The following FYTTD1 variants were observed in gnomAD, a reference collection of about 807,000 sequenced individuals.
FYTTD1 encodes UAP56-interacting factor.
A neutral mutation model predicts 40.9 loss-of-function variants in FYTTD1; 22 were observed. The observed-to-expected ratio is 0.54, with a 90% CI of 0.38 to 0.77. The LOEUF (loss-of-function observed/expected upper bound fraction) is 0.77. Ranked by LOEUF, FYTTD1 falls within the 30% of genes least tolerant of loss-of-function variation. The pLI, the probability that FYTTD1 is intolerant of heterozygous loss-of-function variation, is 0.00. For missense variants in FYTTD1, 351 were observed against 392.2 expected (o/e 0.90, Z 0.89); for synonymous variants, 140 against 137.9 (o/e 1.01, Z -0.10).
intron 4 of FYTTD1, among the ~76,000 whole-genome samples, 168 bp from the exon 5 acceptor site, chr3:197,773,231 ATTTG>A (rs773528014): frequency 1.3e-5 from 2 of 152,210 alleles, no homozygotes; most frequent in Non-Finnish European, 2.9e-5. Flanking sequence ...GGAGGGAGGT[ATTTG>A]TTAATCAAAT....
At chr3:197,777,980 G>A (rs1010988912) in intron 7 of FYTTD1, among the ~76,000 whole-genome samples, 1 of 152,146 alleles carries the variant, frequency 6.6e-6, no homozygotes, top group African/African-American at 2.4e-5. Flanking sequence ...CCAAAGTACC[G>A]GGATTATAGG....
In FYTTD1 at chr3:197,776,965, T is replaced by C; in HGVS notation, c.695T>C (p.Val232Ala). Residue 232 changes from valine to alanine, a missense_variant, in exon 7 of 9, where the codon GTA (valine) becomes GCA (alanine). Physicochemically the swap from Val to Ala is moderately conservative, Grantham distance 64. Transcript: ENST00000241502. ...ACCACAAATGGAGGGATTTTGACTG[T>C]ATCTATTGACAATCCTGGAGCAGTG... The part of the protein sequence containing the change: ...TSTTNGGILT[V>A]SIDNPGAVQC... 1 of 1,612,492 alleles carries C rather than the reference T, an allele frequency of 6.2e-7. No homozygotes were observed. Among genetic ancestry groups the C allele is most frequent in the Middle Eastern group, 1.7e-4 (1 of 6,058 alleles).
intron 1 of FYTTD1, 155 bp downstream of exon 1, chr3:197,750,229 G>C (rs1728964513): frequency 1.2e-6 from 1 of 829,114 alleles, no homozygotes; most frequent in African/African-American, 1.8e-5. Flanking sequence ...GGACAGCCGG[G>C]AGCGCAGGCT....
intron 8 of FYTTD1, among the ~76,000 whole-genome samples, chr3:197,780,242 GAGACAGGGTTTC>G (rs1373782971): frequency 6.6e-6 from 1 of 152,148 alleles, no homozygotes; most frequent in Admixed American, 6.5e-5. Context: ...ATTTTTTGTA[GAGACAGGGTTTC>G]AGATAGGGTT....
At chr3:197,779,413 CA>C (rs1296666597) in intron 8 of FYTTD1, among the ~76,000 whole-genome samples, 111 of 131,468 alleles carry the variant, frequency 8.4e-4, no homozygotes, top group East Asian at 8.3e-3. Flanking sequence ...TACTACATCT[CA>C]AAAAAAAAAA....
At chr3:197,765,326 T>C (rs1729513230) in intron 2 of FYTTD1, among the ~76,000 whole-genome samples, 1 of 152,202 alleles carries the variant, frequency 6.6e-6, no homozygotes, top group Non-Finnish European at 1.5e-5. Context: ...ATTTTCCAGT[T>C]TCTTCCTTTC....
rs1178831454 is a variant in FYTTD1, at chr3:197,756,372, CTG to C, written c.104-53_104-52del. 1.2e-5 allele frequency: 16 copies of C among 1,355,460 alleles called. No homozygotes were observed. In the East Asian group the frequency reaches 3.5e-4, roughly 30 times the overall value. The allele number at this position is 1,355,460 out of a possible 1,614,324, so 84.0% of individuals were successfully genotyped here. A position where few individuals can be genotyped will look rare whatever the true frequency, so the allele number is the denominator to read the frequency against. On this transcript the variant is annotated intron_variant, in intron 1 of 8. Coordinates refer to ENST00000241502, the MANE Select transcript of FYTTD1 (RefSeq NM_032288.7). ...GACATCTATCAGCTAGAAAACGAAA[CTG>C]AGTAATTGAGTTAAGTTAAAATGAA... is the stretch of plus-strand genomic sequence containing the variant.
intron 2 of FYTTD1, among the ~76,000 whole-genome samples, chr3:197,758,736 A>G (rs1189937034): frequency 6.6e-6 from 1 of 152,210 alleles, no homozygotes; most frequent in Non-Finnish European, 1.5e-5. Context: ...AACAGCTGCC[A>G]CTGTTACTGA....
rs1243924759 is a variant in FYTTD1 at position 197,765,344 on chromosome 3, A to C, written c.236-3095A>C. 4.6e-5 allele frequency among the ~76,000 whole-genome samples: 7 copies of C among 152,256 alleles called. No homozygotes were observed. The East Asian group carries it at 1.2e-3, about 25-fold the overall frequency. Reference sequence around the variant, plus strand: ...TTCCAGTTTCTTCCTTTCTCAAGGAAGATTGTTAGCATCAGTCTTATCAGA... The same window carrying C: ...TTCCAGTTTCTTCCTTTCTCAAGGACGATTGTTAGCATCAGTCTTATCAGA... On this transcript the variant is annotated intron_variant, in intron 2 of 8. Transcript: ENST00000241502.
At chr3:197,768,174 T>G (rs141025800) in intron 2 of FYTTD1, among the ~76,000 whole-genome samples, 3,925 of 152,310 alleles carry the variant, frequency 0.026, 89 homozygotes, top group Non-Finnish European at 0.038. Flanking sequence ...CTGTCCTGTT[T>G]GTTGAGAAAC....
chr3:197,760,823 G>A (rs1240224021), intron 2 of FYTTD1, among the ~76,000 whole-genome samples: 1 of 151,822 alleles, frequency 6.6e-6, no homozygotes. Flanking sequence ...TTGTTCCTCA[G>A]TGGCAGAATG....
In FYTTD1 at chr3:197,779,529, C is replaced by CTTTTTT. The variant is rs57263354; in HGVS notation, c.858+1079_858+1084dup. Among the ~76,000 whole-genome samples, 45 of 118,394 alleles carry CTTTTTT rather than the reference C, an allele frequency of 3.8e-4. 2 individuals carry two copies. Among genetic ancestry groups the CTTTTTT allele is most frequent in the Non-Finnish European group, 4.8e-4 (29 of 60,206 alleles). 77.7% of individuals were successfully genotyped at this position (118,394 alleles called of 152,430 possible). On this transcript the variant is annotated intron_variant, in intron 8 of 8. Transcript: ENST00000241502. ...TATTGACTTTGTGGATTCCTTAGGA[C>CTTTTTT]TTTTTTTTTTTTTTTTTTTGTGAAA...
intron 2 of FYTTD1, among the ~76,000 whole-genome samples, chr3:197,758,300 C>G (rs1729268197): frequency 6.6e-6 from 1 of 152,000 alleles, no homozygotes; most frequent in African/African-American, 2.4e-5. Flanking sequence ...GTTCATAGAA[C>G]CAGAAATATA....
At chr3:197,750,801 C>T (rs1340120659) in intron 1 of FYTTD1, 23 of 985,350 alleles carry the variant, frequency 2.3e-5, no homozygotes, top group Non-Finnish European at 2.8e-5. Context: ...GAGATGATTG[C>T]TGTGGCTCGC....
At chr3:197,750,385 G>C in intron 1 of FYTTD1, 2 of 1,093,112 alleles carry the variant, frequency 1.8e-6, no homozygotes, top group Non-Finnish European at 2.2e-6. Context: ...CTCCCCGGAG[G>C]GGCTACGGCT....
At position 197,783,448 on chromosome 3, in the gene FYTTD1, G is replaced by T. The variant is rs1483385268; in HGVS notation, c.*1539G>T. ...TCATGGTTTATGCTCGCCATGGAAAGCTATCAGTAACAGTTTCATGCTTAT... is the reference window on the plus strand; with the variant it reads ...TCATGGTTTATGCTCGCCATGGAAATCTATCAGTAACAGTTTCATGCTTAT... On this transcript the variant is annotated 3_prime_UTR_variant, in exon 9 of 9. Coordinates refer to ENST00000241502, the MANE Select transcript of FYTTD1 (RefSeq NM_032288.7). 6.6e-6 allele frequency: 1 copy of T among 152,532 alleles called. No individual in the cohort carries two copies. Among genetic ancestry groups the T allele is most frequent in the Non-Finnish European group, 1.5e-5 (1 of 68,042 alleles). The allele number at this position is 152,532 out of a possible 1,614,324, so 9.4% of individuals were successfully genotyped here. A position where few individuals can be genotyped will look rare whatever the true frequency, so the allele number is the denominator to read the frequency against.
chr3:197,749,674 A>G (rs779902502), upstream of FYTTD1: 1 of 712,690 alleles, frequency 1.4e-6, no homozygotes, highest in South Asian at 1.5e-5. Flanking sequence ...AGCATCCCCC[A>G]GTTTGGGCGG....
At chr3:197,772,669 C>T (rs1185433147) in intron 4 of FYTTD1, among the ~76,000 whole-genome samples, 2 of 152,168 alleles carry the variant, frequency 1.3e-5, no homozygotes, top group African/African-American at 2.4e-5. Context: ...AGTGCAGTGG[C>T]GTGATCTCGG....
intron 2 of FYTTD1, among the ~76,000 whole-genome samples, chr3:197,764,191 T>A (rs1013952468): frequency 6.6e-6 from 1 of 152,190 alleles, no homozygotes; most frequent in Non-Finnish European, 1.5e-5. Context: ...TTGCATTGGA[T>A]GAAGTCTTTA....
Sources: gnomAD v4.1 joint callset for allele counts (sites outside exome capture counted in the v4.1 genomes callset) on GRCh38, gnomAD v4.1.1 for gene constraint, MANE v1.5 for transcripts, NCBI Gene and HGNC (gene_info 2026-07-23, HGNC 2026-07-21) for gene names.